Variants in POLE observed in about 807,000 individuals in gnomAD.
POLE encodes DNA polymerase epsilon catalytic subunit A.
POLE carries 188 observed loss-of-function variants against 279.2 expected under a neutral mutation model. That is an observed-to-expected ratio of 0.67 (90% confidence interval 0.60 to 0.76). The LOEUF (loss-of-function observed/expected upper bound fraction) is 0.76, where lower values mean the gene tolerates loss of function less well. Ranked by LOEUF, POLE falls within the 30% of genes least tolerant of loss-of-function variation. POLE has a pLI of 0.00. For synonymous variants in POLE, 1,214 were observed against 1,172.5 expected (o/e 1.04, Z -0.72); for missense variants, 2,703 against 3,016.7 (o/e 0.90, Z 2.44).
In POLE at chr12:132,635,906, T is replaced by C. The variant is rs758762868; in HGVS notation, c.5797A>G (p.Ile1933Val). The change falls in exon 42 of 49, where the codon ATT becomes GTT. Residue 1933 changes from isoleucine (I) to valine (V), a missense_variant. Coordinates refer to ENST00000320574, the MANE Select transcript of POLE (RefSeq NM_006231.4). ...GGIKGKVSSR[I>V]HCGLQDSQKA... Reference sequence around the variant, plus strand: ...AGCTCGCTTACCAGTCCACAGTGAATACGAGATGAAACTTTTCCTTTGATT... The same window carrying C: ...AGCTCGCTTACCAGTCCACAGTGAACACGAGATGAAACTTTTCCTTTGATT... 2.0e-5 allele frequency: 33 copies of C among 1,613,290 alleles called. No individual in the cohort carries two copies. Among genetic ancestry groups the C allele is most frequent in the African/African-American group, 5.3e-5 (4 of 74,880 alleles).
At chr12:132,666,946 G>T (rs1339949956) in intron 20 of POLE, among the ~76,000 whole-genome samples, 1 of 152,182 alleles carries the variant, frequency 6.6e-6, no homozygotes, top group African/African-American at 2.4e-5. Context: ...GGGCCGCACA[G>T]CAGGGGCCGT....
intron 1 of POLE, 33 bp from the exon 2 acceptor site, chr12:132,681,312 T>G: frequency 6.2e-7 from 1 of 1,600,914 alleles, no homozygotes; most frequent in African/African-American, 1.3e-5. Flanking sequence ...GTGCTTAATT[T>G]GTAATGCCAC....
At chr12:132,657,692 T>C (rs2042576485) in intron 27 of POLE, among the ~76,000 whole-genome samples, 176 bp downstream of exon 27, 1 of 152,210 alleles carries the variant, frequency 6.6e-6, no homozygotes, top group African/African-American at 2.4e-5. Context: ...CCCCAGGCAC[T>C]TCATGTTTTC....
chr12:132,649,789 G>T lies in POLE; in HGVS notation c.3683C>A (p.Thr1228Asn), dbSNP rs1244395672. 1 of 1,614,092 alleles carries T rather than the reference G, an allele frequency of 6.2e-7. No individual in the cohort carries two copies. Among genetic ancestry groups the T allele is most frequent in the Admixed American group, 1.7e-5 (1 of 60,016 alleles). The change falls in exon 30 of 49, where the codon ACT (threonine) becomes AAT (asparagine). Residue 1228 changes from threonine to asparagine, a missense_variant. By Grantham distance (65) the Thr-to-Asn change is moderately conservative (BLOSUM62 0). Around this residue, in one of 5 missense-constraint regions of POLE, gnomAD observed 1,551 missense variants for 1,686.1 expected, o/e 0.92. Coordinates refer to ENST00000320574, the MANE Select transcript of POLE (RefSeq NM_006231.4). Reference sequence around the variant, plus strand: ...CCAAAGAACTCGCTTCCTCTTCACAGTGACAGGGGCTGCTGGGTGAGGCAG... The same window carrying T: ...CCAAAGAACTCGCTTCCTCTTCACATTGACAGGGGCTGCTGGGTGAGGCAG... Reference protein sequence around the residue: ...VKLPHPAAPVTVKRKRVLWES... With the variant: ...VKLPHPAAPVNVKRKRVLWES...
chr12:132,683,702 T>A (rs9630293), intron 1 of POLE, among the ~76,000 whole-genome samples: 76,080 of 152,096 alleles, frequency 0.5, 19,642 homozygotes, highest in Non-Finnish European at 0.57. Context: ...AGGCATCACC[T>A]CTTAACAGGG....
Position 132,639,166 on chromosome 12 carries a change from C to T in POLE, c.5511G>A (p.Leu1837=), listed in dbSNP as rs2138508866. ...TCATCATGTTGTGGAGTGTGCGGTG[C>T]AGGGCAGGGTCATGAAGCAGAGAGG... ...SPSSLLHDPA[L]HRTLHNMMKK... Residue 1837 remains leucine (L), a synonymous_variant, in exon 40 of 49, where the codon CTG becomes CTA. Transcript: ENST00000320574. This position sits in a 1 kb window ranked among gnomAD's most constrained non-coding sequence, Gnocchi z 4.7. 1 of 1,614,106 alleles carries T rather than the reference C, an allele frequency of 6.2e-7. No homozygotes were observed. The highest frequency in any genetic ancestry group is 8.5e-7 in the Non-Finnish European group (1 of 1,180,004).
chr12:132,654,217 C>T (rs2042484178), intron 29 of POLE, among the ~76,000 whole-genome samples: 1 of 113,334 alleles, frequency 8.8e-6, no homozygotes, highest in South Asian at 3.1e-4. Flanking sequence ...GTTTCTTTTA[C>T]ACTTATTTTT....
rs908164609 is a variant in POLE at position 132,664,281 on chromosome 12, G to A, written c.2561+89C>T. ...CTTCCCTCCTTCCTTCCTGCCCAGT[G>A]TGTGGCCTCCAGCCTTCCCTCCTTC... On this transcript the variant is annotated intron_variant, in intron 22 of 48. Coordinates refer to ENST00000320574, the MANE Select transcript of POLE (RefSeq NM_006231.4). The surrounding 1 kb of genome is among the most constrained non-coding windows in gnomAD (Gnocchi z 5.3). The A allele has an allele frequency of 2.2e-6, 3 of 1,380,924 alleles. No homozygotes were observed. In the Admixed American group the frequency reaches 5.1e-5, roughly 23 times the overall value. 85.5% of individuals were successfully genotyped at this position (1,380,924 alleles called of 1,614,324 possible). A position where few individuals can be genotyped will look rare whatever the true frequency, so the allele number is the denominator to read the frequency against.
Position 132,639,368 on chromosome 12 carries a change from A to G in POLE, c.5379-70T>C, listed in dbSNP as rs2042096651. On this transcript the variant is annotated intron_variant, in intron 39 of 48. Coordinates refer to ENST00000320574, the MANE Select transcript of POLE (RefSeq NM_006231.4). This position sits in a 1 kb window ranked among gnomAD's most constrained non-coding sequence, Gnocchi z 4.7. The stretch of plus-strand genomic sequence containing the variant: ...CGCTGCTGCCACGCGGGACGCTCCA[A>G]CTGAAATGGGCACAGGTTTTCCCTA... 1.4e-6 allele frequency: 2 copies of G among 1,459,404 alleles called. No homozygotes were observed. Among genetic ancestry groups the G allele is most frequent in the Non-Finnish European group, 1.9e-6 (2 of 1,058,582 alleles). 90.4% of individuals were successfully genotyped at this position (1,459,404 alleles called of 1,614,324 possible). A position where few individuals can be genotyped will look rare whatever the true frequency, so the allele number is the denominator to read the frequency against.
Position 132,643,394 on chromosome 12 carries a change from G to A in POLE, c.4444+13C>T, listed in dbSNP as rs773574477. ...GAGGCAGGCACATGATGGGCGGCTG[G>A]TGCAGGCCATACCTGGTTCCAGGTA... On this transcript the variant is annotated intron_variant, in intron 34 of 48. Coordinates refer to ENST00000320574, the MANE Select transcript of POLE (RefSeq NM_006231.4). 6.2e-7 allele frequency: 1 copy of A among 1,614,226 alleles called. No individual in the cohort carries two copies. The highest frequency in any genetic ancestry group is 1.3e-5 in the African/African-American group (1 of 75,072).
chr12:132,682,299 AAAAAATAAAT>A (rs1221086278), intron 1 of POLE, among the ~76,000 whole-genome samples: 2 of 91,048 alleles, frequency 2.2e-5, no homozygotes, highest in African/African-American at 6.5e-5. Flanking sequence ...GGCAAAAAAA[AAAAAATAAAT>A]AAAAATAAAT....
chr12:132,649,184 G>A (rs1000859820), intron 31 of POLE, 112 bp from the exon 32 acceptor site: 25 of 1,498,012 alleles, frequency 1.7e-5, no homozygotes, highest in Middle Eastern at 2.0e-4. Context: ...GCCTCCCTAC[G>A]ATGGGCAGGA....
chr12:132,642,471 G>A, intron 37 of POLE, 35 bp downstream of exon 37: 3 of 1,603,614 alleles, frequency 1.9e-6, no homozygotes, highest in Non-Finnish European at 2.6e-6. Flanking sequence ...CTCTGCCTGG[G>A]GACCACTGGC....
intron 39 of POLE, among the ~76,000 whole-genome samples, chr12:132,640,374 T>C (rs1039056009): frequency 6.6e-6 from 1 of 152,196 alleles, no homozygotes; most frequent in Non-Finnish European, 1.5e-5. Context: ...CCTACGACAC[T>C]AGGGGGAACA....
rs2138612051 is a variant in POLE, at chr12:132,649,658, T to C, written c.3795+19A>G. ...GCAGACCCCTCAGAGACAGACAGTA[T>C]CACAGCTGTGTGCCTTACCTGGCTG... is the stretch of plus-strand genomic sequence containing the variant. On this transcript the variant is annotated intron_variant, in intron 30 of 48. Coordinates refer to ENST00000320574, the MANE Select transcript of POLE (RefSeq NM_006231.4). The C allele has an allele frequency of 1.2e-6, 2 of 1,613,028 alleles. No homozygotes were observed. The highest frequency in any genetic ancestry group is 1.7e-6 in the Non-Finnish European group (2 of 1,179,612).
intron 32 of POLE, among the ~76,000 whole-genome samples, chr12:132,647,591 G>A (rs1454082235): frequency 6.6e-6 from 1 of 152,086 alleles, no homozygotes; most frequent in African/African-American, 2.4e-5. Context: ...ATATCATCCT[G>A]GAGCCCCATG....
In POLE at chr12:132,626,122, A is replaced by G; in HGVS notation, c.6526T>C (p.Ser2176Pro). 1.9e-6 allele frequency: 3 copies of G among 1,597,734 alleles called. No homozygotes were observed. The highest frequency in any genetic ancestry group is 2.3e-5 in the East Asian group (1 of 44,016). The change falls in exon 46 of 49, where the codon TCA becomes CCA. Residue 2176 changes from serine (S) to proline (P), a missense_variant. Ser to Pro is a moderately conservative substitution (Grantham distance 74, BLOSUM62 -1). Coordinates refer to ENST00000320574, the MANE Select transcript of POLE (RefSeq NM_006231.4). ...DLDLCKDSSFSEDGAVLPQWL... is the reference protein window; with the variant it reads ...DLDLCKDSSFPEDGAVLPQWL... ...CCGCTGGAGCTCAGCCGCACCTCTGAGAAGGAAGAGTCTTTACACAGGTCC... is the reference window on the plus strand; with the variant it reads ...CCGCTGGAGCTCAGCCGCACCTCTGGGAAGGAAGAGTCTTTACACAGGTCC...
Position 132,643,531 on chromosome 12 carries a change from G to C in POLE, c.4320C>G (p.His1440Gln), listed in dbSNP as rs760483597. Reference sequence around the variant, plus strand: ...TATTGACCACACACACACAGCCCAGGTGCACCAGGGCCCGGAACAGTAACG... The same window carrying C: ...TATTGACCACACACACACAGCCCAGCTGCACCAGGGCCCGGAACAGTAACG... ...QVPLLFRALVHLGCVCVVNKQ... is the reference protein window; with the variant it reads ...QVPLLFRALVQLGCVCVVNKQ... The change falls in exon 34 of 49, where the codon CAC becomes CAG. Residue 1440 changes from histidine (H) to glutamine (Q), a missense_variant. Physicochemically the swap from His to Gln is conservative, Grantham distance 24. Transcript: ENST00000320574. 1 of 1,614,028 alleles carries C rather than the reference G, an allele frequency of 6.2e-7. No homozygotes were observed. The highest frequency in any genetic ancestry group is 8.5e-7 in the Non-Finnish European group (1 of 1,180,050).
At chr12:132,646,428 T>G (rs1463147518) in intron 32 of POLE, among the ~76,000 whole-genome samples, 2 of 152,024 alleles carry the variant, frequency 1.3e-5, no homozygotes, top group Non-Finnish European at 2.9e-5. Context: ...AGTCCTCACT[T>G]AACATCAATG....
Sources: allele counts gnomAD v4.1 joint callset (sites outside exome capture counted in the v4.1 genomes callset), GRCh38; gene constraint gnomAD v4.1.1; regional missense constraint gnomAD v4.1.1; non-coding constraint Gnocchi (gnomAD v3.1); transcripts MANE v1.5; gene names NCBI Gene and HGNC (gene_info 2026-07-23, HGNC 2026-07-21).